Variants in IQGAP1 observed in about 807,000 individuals in gnomAD.
IQGAP1 encodes the protein ras GTPase-activating-like protein IQGAP1.
IQGAP1 carries 66 observed loss-of-function variants against 215.6 expected under a neutral mutation model. That is an observed-to-expected ratio of 0.31 (90% CI 0.25 to 0.38). The LOEUF (loss-of-function observed/expected upper bound fraction) is 0.38, where lower values mean the gene tolerates loss of function less well. IQGAP1 is among the 10% of genes least tolerant of loss of function. IQGAP1 has a pLI of 1.00. For missense variants in IQGAP1, 1,712 were observed against 1,997.1 expected, an observed-to-expected ratio of 0.86 and a Z score of 2.72; for synonymous variants, 772 against 728.7, an observed-to-expected ratio of 1.06 and a Z score of -0.96.
intron 2 of IQGAP1, among the ~76,000 whole-genome samples, chr15:90,417,598 C>T (rs944666940): frequency 1.3e-5 from 2 of 152,276 alleles, no homozygotes; most frequent in Middle Eastern, 3.4e-3. Flanking sequence ...CCATACCATG[C>T]TGTTTTGGTT....
At chr15:90,473,988 C>T (rs756537551) in intron 21 of IQGAP1, 21 bp downstream of exon 21, 1 of 1,613,094 alleles carries the variant, frequency 6.2e-7, no homozygotes, top group Non-Finnish European at 8.5e-7. Context: ...TTGGATCATA[C>T]AGGCCATTAG....
rs780296696 is a variant in IQGAP1, at chr15:90,448,601, G to A, written c.942G>A (p.Leu314=). The change falls in exon 10 of 38, where the codon CTG becomes CTA. Residue 314 remains leucine, a synonymous_variant. Transcript: ENST00000268182. ...TTTCTGCATTAGCAAATATCGACCTGGCTTTAGAACAAGGAGATGCACTGG... is the reference window on the plus strand; with the variant it reads ...TTTCTGCATTAGCAAATATCGACCTAGCTTTAGAACAAGGAGATGCACTGG... ...NTFSALANID[L]ALEQGDALAL... is the part of the protein sequence containing the mutation. 1.2e-5 allele frequency: 19 copies of A among 1,595,832 alleles called. No individual in the cohort carries two copies. In the South Asian group the frequency reaches 2.2e-4, roughly 18 times the overall value.
intron 1 of IQGAP1, among the ~76,000 whole-genome samples, chr15:90,389,790 TAAA>T (rs559734539): frequency 8.2e-5 from 11 of 134,892 alleles, no homozygotes; most frequent in African/African-American, 1.6e-4. Context: ...CTCCATCTCT[TAAA>T]AAAAAAAAAA....
intron 2 of IQGAP1, among the ~76,000 whole-genome samples, chr15:90,392,486 G>A (rs956939332): frequency 5.3e-5 from 8 of 152,172 alleles, no homozygotes; most frequent in Admixed American, 5.2e-4. Context: ...ATTCCACTGA[G>A]GTGACCTGGG....
chr15:90,411,005 A>G (rs977141609), intron 2 of IQGAP1, among the ~76,000 whole-genome samples: 1 of 152,226 alleles, frequency 6.6e-6, no homozygotes, highest in African/African-American at 2.4e-5. Context: ...TTCCTGTTCA[A>G]TTCATGGAGT....
In IQGAP1 at chr15:90,433,714, C is replaced by T. The variant is rs1596264175; in HGVS notation, c.391-5C>T. On this transcript the variant is annotated splice_region_variant and splice_polypyrimidine_tract_variant and intron_variant, in intron 4 of 37. Coordinates refer to ENST00000268182, the MANE Select transcript of IQGAP1 (RefSeq NM_003870.4). ...TCTTACTCTGTTTCTTTTATTTCTC[C>T]CTAGATTTTTTACCCAGAAACTACA... The T allele has an allele frequency of 6.4e-7, 1 of 1,555,538 alleles. No homozygotes were observed. Among genetic ancestry groups the T allele is most frequent in the Non-Finnish European group, 8.8e-7 (1 of 1,131,010 alleles).
intron 23 of IQGAP1, among the ~76,000 whole-genome samples, chr15:90,475,072 T>C (rs1001124931): frequency 4.8e-5 from 7 of 144,570 alleles, no homozygotes; most frequent in South Asian, 2.3e-4. Flanking sequence ...TGATCTCGGC[T>C]CACTGCAACC....
intron 26 of IQGAP1, among the ~76,000 whole-genome samples, chr15:90,481,269 C>CTTTTTTTTTTTTTTTTTTTTTTTTTT (rs57452745): frequency 8.8e-6 from 1 of 113,180 alleles, no homozygotes; most frequent in African/African-American, 3.3e-5. Context: ...CTCTCTGCCT[C>CTTTTTTTTTTTTTTTTTTTTTTTTTT]TTTTTTTTTT....
At chr15:90,420,073 A>T (rs1302478639) in intron 2 of IQGAP1, among the ~76,000 whole-genome samples, 1 of 152,188 alleles carries the variant, frequency 6.6e-6, no homozygotes, top group Admixed American at 6.5e-5. Context: ...TTTTATGACT[A>T]GTGCTTGAAG....
At chr15:90,410,486 C>T (rs1964944570) in intron 2 of IQGAP1, among the ~76,000 whole-genome samples, 1 of 152,144 alleles carries the variant, frequency 6.6e-6, no homozygotes, top group African/African-American at 2.4e-5. Flanking sequence ...CACATATACA[C>T]CATGGAATAC....
chr15:90,419,899 A>G (rs1255441734), intron 2 of IQGAP1, among the ~76,000 whole-genome samples: 1 of 152,192 alleles, frequency 6.6e-6, no homozygotes, highest in Non-Finnish European at 1.5e-5. Context: ...GAGATGAGCA[A>G]AAGACGTGAG....
intron 15 of IQGAP1, among the ~76,000 whole-genome samples, chr15:90,460,931 T>A (rs1280349037): frequency 2.1e-5 from 3 of 145,212 alleles, no homozygotes; most frequent in Non-Finnish European, 3.0e-5. Flanking sequence ...CCTAGGGGGC[T>A]GAGGTTGCGG....
Position 90,474,994 on chromosome 15 carries a change from C to CTTTTT in IQGAP1, c.2784+318_2784+322dup, listed in dbSNP as rs771704265. On this transcript the variant is annotated intron_variant, in intron 23 of 37. Coordinates refer to ENST00000268182, the MANE Select transcript of IQGAP1 (RefSeq NM_003870.4). ...CTGGCTAATGTTTTTTGATTTTTGG[C>CTTTTT]TTTTTTTTTTTTTTTTTTTTTGCTG... is the stretch of plus-strand genomic sequence containing the variant. The CTTTTT allele has an allele frequency of 1.1e-3, 137 of 119,568 alleles. 3 individuals carry two copies. The highest frequency in any genetic ancestry group is 1.5e-3 in the African/African-American group (40 of 25,820). The allele number at this position is 119,568 out of a possible 1,614,324, so 7.4% of individuals were successfully genotyped here. A position where few individuals can be genotyped will look rare whatever the true frequency, so the allele number is the denominator to read the frequency against.
chr15:90,444,763 T>G (rs1965503386), intron 9 of IQGAP1, among the ~76,000 whole-genome samples: 1 of 152,232 alleles, frequency 6.6e-6, no homozygotes, highest in Non-Finnish European at 1.5e-5. Context: ...GTGCAGTTCT[T>G]TATGCAATAT....
intron 2 of IQGAP1, chr15:90,393,418 A>G (rs1964665635): frequency 1.3e-5 from 2 of 151,676 alleles, no homozygotes. Context: ...TGCTACATAA[A>G]TAGTTGTTAC....
intron 4 of IQGAP1, among the ~76,000 whole-genome samples, chr15:90,431,885 T>C (rs1292288154): frequency 1.3e-5 from 2 of 152,196 alleles, no homozygotes; most frequent in Admixed American, 6.5e-5. Flanking sequence ...TCTTATCCTT[T>C]TTGACTCTTT....
intron 2 of IQGAP1, among the ~76,000 whole-genome samples, chr15:90,416,896 GA>G (rs1965059365): frequency 6.6e-6 from 1 of 151,998 alleles, no homozygotes; most frequent in Non-Finnish European, 1.5e-5. Flanking sequence ...ACTTTTTAAT[GA>G]TCACTATTCT....
At chr15:90,391,109 A>G in intron 2 of IQGAP1, 1 of 382,188 alleles carries the variant, frequency 2.6e-6, no homozygotes, top group Non-Finnish European at 5.0e-6. Flanking sequence ...ATGGTGGTGC[A>G]TGCCAGTAGT....
chr15:90,499,071 C>T (rs1294169332), intron 37 of IQGAP1, among the ~76,000 whole-genome samples: 1 of 152,186 alleles, frequency 6.6e-6, no homozygotes, highest in Non-Finnish European at 1.5e-5. Context: ...CTGCCTCGGC[C>T]TCCCAAAGTG....
Sources: allele counts gnomAD v4.1 joint callset (sites outside exome capture counted in the v4.1 genomes callset), GRCh38; gene constraint gnomAD v4.1.1; transcripts MANE v1.5; gene names NCBI Gene and HGNC (gene_info 2026-07-23, HGNC 2026-07-21).